DEPDC1B: variants seen among roughly 807,000 people sequenced by gnomAD.
The protein encoded by DEPDC1B is DEP domain containing 1B.
A neutral mutation model predicts 66.5 loss-of-function variants in DEPDC1B; 51 were observed. That is an observed-to-expected ratio of 0.77 (90% CI 0.61 to 0.97). The LOEUF is 0.97. Among genes scored for constraint, DEPDC1B ranks in the 50% least tolerant of loss-of-function variants. The pLI is 0.00. For synonymous variants in DEPDC1B, 226 were observed against 223.6 expected (o/e 1.01, Z -0.10); for missense variants, 552 against 637.1 (o/e 0.87, Z 1.44).
intron 2 of DEPDC1B, among the ~76,000 whole-genome samples, chr5:60,679,130 C>G (rs1479993010): frequency 6.6e-6 from 1 of 151,990 alleles, no homozygotes; most frequent in African/African-American, 2.4e-5. Context: ...CCCAATTATT[C>G]CAACATAATT....
chr5:60,624,832 T>C (rs1464806826), intron 7 of DEPDC1B, among the ~76,000 whole-genome samples: 1 of 152,112 alleles, frequency 6.6e-6, no homozygotes, highest in Non-Finnish European at 1.5e-5. Flanking sequence ...CAAACCAAAG[T>C]AATGTCAAAC....
chr5:60,690,908 A>G (rs1479439880), intron 1 of DEPDC1B, among the ~76,000 whole-genome samples: 1 of 152,164 alleles, frequency 6.6e-6, no homozygotes, highest in African/African-American at 2.4e-5. Flanking sequence ...TCTCAGCCAC[A>G]TTCATAATTC....
In DEPDC1B at chr5:60,668,149, A is replaced by ATAT. The variant is rs1561384920; in HGVS notation, c.314+18812_314+18813insATA. Among the ~76,000 whole-genome samples, 14 of 40,602 alleles carry ATAT rather than the reference A, an allele frequency of 3.4e-4. 5 individuals carry two copies. Among genetic ancestry groups the ATAT allele is most frequent in the Non-Finnish European group, 4.5e-4 (11 of 24,646 alleles). The allele number at this position is 40,602 out of a possible 152,430, so 26.6% of individuals were successfully genotyped here. A position where few individuals can be genotyped will look rare whatever the true frequency, so the allele number is the denominator to read the frequency against. On this transcript the variant is annotated intron_variant, in intron 2 of 10. Coordinates refer to ENST00000265036, the MANE Select transcript of DEPDC1B (RefSeq NM_018369.3). ...TAAAATGGATATTTTATATATATAT[A>ATAT]AAATGGATATTATATATATATAAAA... is the stretch of plus-strand genomic sequence containing the variant.
At chr5:60,645,946 GTTATCAATTCAAAATTA>G (rs1753306407) in intron 3 of DEPDC1B, among the ~76,000 whole-genome samples, 1 of 152,158 alleles carries the variant, frequency 6.6e-6, no homozygotes, top group East Asian at 1.9e-4. Context: ...GAAATAAAAT[GTTATCAATTCAAAATTA>G]AGGAATACAT....
chr5:60,645,473 T>C lies in DEPDC1B; in HGVS notation c.578+19A>G. The C allele has an allele frequency of 6.4e-7, 1 of 1,564,804 alleles. No homozygotes were observed. Among genetic ancestry groups the C allele is most frequent in the Non-Finnish European group, 8.7e-7 (1 of 1,155,850 alleles). The stretch of plus-strand genomic sequence containing the variant: ...AAACAATATCTCTAAAATTTCTCAT[T>C]AATATCAAATGTACATACTATGATA... On this transcript the variant is annotated intron_variant, in intron 4 of 10. Coordinates refer to ENST00000265036, the MANE Select transcript of DEPDC1B (RefSeq NM_018369.3).
chr5:60,662,268 G>T lies in DEPDC1B; in HGVS notation c.315-14735C>A, dbSNP rs574075784. Among the ~76,000 whole-genome samples, 15 of 152,192 alleles carry T rather than the reference G, an allele frequency of 9.9e-5. No homozygotes were observed. The South Asian group carries it at 2.5e-3, about 25-fold the overall frequency. On this transcript the variant is annotated intron_variant, in intron 2 of 10. Coordinates refer to ENST00000265036, the MANE Select transcript of DEPDC1B (RefSeq NM_018369.3). Reference sequence around the variant, plus strand: ...CCGGGCATGGTGGCAGGCGCCTATAGTCCCAGCTACTCCAGAGGCTGAGGC... The same window carrying T: ...CCGGGCATGGTGGCAGGCGCCTATATTCCCAGCTACTCCAGAGGCTGAGGC...
At chr5:60,647,052 C>T (rs1186264184) in intron 3 of DEPDC1B, among the ~76,000 whole-genome samples, 1 of 152,040 alleles carries the variant, frequency 6.6e-6, no homozygotes, top group Non-Finnish European at 1.5e-5. Context: ...ATAAAATGCA[C>T]AATAAATGTA....
chr5:60,600,253 G>A (rs1354689008), intron 9 of DEPDC1B, among the ~76,000 whole-genome samples: 2 of 152,118 alleles, frequency 1.3e-5, no homozygotes, highest in Non-Finnish European at 2.9e-5. Flanking sequence ...TGCAGACATT[G>A]CAGAAGGGAT....
At chr5:60,618,474 G>T (rs957948380) in intron 7 of DEPDC1B, among the ~76,000 whole-genome samples, 1 of 152,174 alleles carries the variant, frequency 6.6e-6, no homozygotes, top group Non-Finnish European at 1.5e-5. Context: ...CTATCCCACA[G>T]AAATACAAAC....
chr5:60,613,699 A>C (rs1173570743), intron 7 of DEPDC1B, among the ~76,000 whole-genome samples: 2 of 152,144 alleles, frequency 1.3e-5, no homozygotes, highest in East Asian at 3.8e-4. Context: ...ATACAATGTC[A>C]CAGAAACACA....
rs781065074 is a variant in DEPDC1B, at chr5:60,603,484, C to T, written c.1149G>A (p.Thr383=). 1.1e-5 allele frequency: 17 copies of T among 1,612,972 alleles called. No homozygotes were observed. In the Admixed American group the frequency reaches 1.2e-4, roughly 11 times the overall value. Residue 383 remains threonine (T), a synonymous_variant, in exon 9 of 11, where the codon ACG becomes ACA. Transcript: ENST00000265036. ...LDELLAARLV[T]FLMDNYQEIL... is the part of the protein sequence containing the mutation. ...TTTCCTGGTAATTGTCCATCAGAAA[C>T]GTTACCAATCTAGCAGCTAATAACT... is the stretch of plus-strand genomic sequence containing the variant.
At chr5:60,694,987 T>A (rs1754622920) in intron 1 of DEPDC1B, among the ~76,000 whole-genome samples, 1 of 152,238 alleles carries the variant, frequency 6.6e-6, no homozygotes. Context: ...ATTTTCTTTA[T>A]CAGTTCAGGG....
chr5:60,666,031 T>C (rs1026072256), intron 2 of DEPDC1B, among the ~76,000 whole-genome samples: 5 of 152,194 alleles, frequency 3.3e-5, no homozygotes, highest in Non-Finnish European at 7.4e-5. Flanking sequence ...AACTGCACAC[T>C]CTTCTGGTCC....
chr5:60,679,569 A>G (rs1239657952), intron 2 of DEPDC1B, among the ~76,000 whole-genome samples: 1 of 152,200 alleles, frequency 6.6e-6, no homozygotes, highest in Non-Finnish European at 1.5e-5. Flanking sequence ...GGAAAGAAAA[A>G]AAGGAATGAG....
intron 7 of DEPDC1B, among the ~76,000 whole-genome samples, chr5:60,622,852 G>GT (rs999977378): frequency 2.0e-5 from 3 of 151,712 alleles, no homozygotes; most frequent in African/African-American, 7.3e-5. Flanking sequence ...CAGTTTTTTT[G>GT]TTTTTTTATT....
chr5:60,661,122 T>C (rs1753705343), intron 2 of DEPDC1B, among the ~76,000 whole-genome samples: 1 of 152,192 alleles, frequency 6.6e-6, no homozygotes, highest in Admixed American at 6.5e-5. Context: ...CTGTTGTTTA[T>C]GGGAATACAT....
chr5:60,615,605 G>A (rs56657581), intron 7 of DEPDC1B, among the ~76,000 whole-genome samples: 2,027 of 152,270 alleles, frequency 0.013, 54 homozygotes, highest in African/African-American at 0.047. Context: ...GGGGAGGGGC[G>A]CCCACCATTG....
chr5:60,603,526 A>G lies in DEPDC1B; in HGVS notation c.1107T>C (p.Asp369=), dbSNP rs1368029283. The change falls in exon 9 of 11, where the codon GAT becomes GAC. Residue 369 remains aspartate (D), a synonymous_variant. Coordinates refer to ENST00000265036, the MANE Select transcript of DEPDC1B (RefSeq NM_018369.3). ...CTAATAACTCATCCAAGTCCACTTCATCCTTGGAACACAAGATGCAACGGG... is the reference window on the plus strand; with the variant it reads ...CTAATAACTCATCCAAGTCCACTTCGTCCTTGGAACACAAGATGCAACGGG... ...TFSRCILCSK[D]EVDLDELLAA... is the part of the protein sequence containing the mutation. The G allele has an allele frequency of 6.2e-7, 1 of 1,608,944 alleles. No homozygotes were observed. The highest frequency in any genetic ancestry group is 8.5e-7 in the Non-Finnish European group (1 of 1,178,724).
intron 2 of DEPDC1B, among the ~76,000 whole-genome samples, chr5:60,663,719 C>T (rs189791864): frequency 1.3e-5 from 2 of 152,318 alleles, no homozygotes; most frequent in East Asian, 1.9e-4. Flanking sequence ...TCTTGTCCTT[C>T]GGTATGTGGA....
Sources: allele counts gnomAD v4.1 joint callset (sites outside exome capture counted in the v4.1 genomes callset), GRCh38; gene constraint gnomAD v4.1.1; transcripts MANE v1.5; gene names NCBI Gene and HGNC (gene_info 2026-07-23, HGNC 2026-07-21).